The following ATF7IP2 variants were observed in gnomAD, a reference collection of about 807,000 sequenced individuals.
ATF7IP2 encodes activating transcription factor 7 interacting protein 2, also known as activating transcription factor 7-interacting protein 2.
A neutral mutation model predicts 64.2 loss-of-function variants in ATF7IP2; 42 were observed. The observed-to-expected ratio is 0.65, with a 90% CI of 0.51 to 0.85. The LOEUF is 0.85. ATF7IP2 is among the 40% of genes least tolerant of loss of function. The pLI, the probability that ATF7IP2 is intolerant of heterozygous loss-of-function variation, is 0.00. For missense variants in ATF7IP2, 933 were observed against 784.2 expected (o/e 1.19, Z -2.27); for synonymous variants, 308 against 272.8 (o/e 1.13, Z -1.27).
intron 9 of ATF7IP2, among the ~76,000 whole-genome samples, chr16:10,458,399 T>C (rs771219090): frequency 6.6e-6 from 1 of 152,194 alleles, no homozygotes; most frequent in Non-Finnish European, 1.5e-5. Flanking sequence ...GTGATGGAAG[T>C]GAAAAAGACA....
chr16:10,398,617 G>C (rs2047466820), intron 1 of ATF7IP2, among the ~76,000 whole-genome samples: 1 of 152,100 alleles, frequency 6.6e-6, no homozygotes, highest in Non-Finnish European at 1.5e-5. Flanking sequence ...ATACCATTTT[G>C]CCTGTCATTT....
At chr16:10,409,392 C>T (rs1020466158) in intron 1 of ATF7IP2, among the ~76,000 whole-genome samples, 7 of 151,932 alleles carry the variant, frequency 4.6e-5, no homozygotes, top group Non-Finnish European at 7.4e-5. Flanking sequence ...ACAAGCTAAA[C>T]CTTTGAAGAG....
chr16:10,474,434 G>A (rs1393888443), intron 12 of ATF7IP2, among the ~76,000 whole-genome samples: 2 of 151,862 alleles, frequency 1.3e-5, no homozygotes, highest in Admixed American at 6.6e-5. Flanking sequence ...GGCTTGTTGG[G>A]GACTTTTACA....
intron 8 of ATF7IP2, among the ~76,000 whole-genome samples, chr16:10,456,312 T>G (rs1386009610): frequency 6.6e-6 from 1 of 152,234 alleles, no homozygotes; most frequent in African/African-American, 2.4e-5. Flanking sequence ...AGAGGCTCAC[T>G]ATCAGAAGAG....
rs147592728 is a variant in ATF7IP2 at position 10,465,565 on chromosome 16, C to T, written c.1353-6545C>T. Among the ~76,000 whole-genome samples, 1,220 of 151,312 alleles carry T rather than the reference C, an allele frequency of 8.1e-3. 12 individuals are homozygous for T. The highest frequency in any genetic ancestry group is 0.028 in the African/African-American group (1,137 of 41,150). On this transcript the variant is annotated intron_variant, in intron 9 of 13. Transcript: ENST00000562102. ...CCAGCCTGGGCAACACGGTGAAACC[C>T]CATCTCTACTAAAAACACAGAAAAT...
intron 3 of ATF7IP2, among the ~76,000 whole-genome samples, chr16:10,421,834 T>G (rs549847329): frequency 4.6e-5 from 7 of 152,362 alleles, no homozygotes; most frequent in African/African-American, 1.4e-4. Flanking sequence ...TGGCAACACT[T>G]TCCAGTGAAA....
At chr16:10,419,312 T>C (rs568809365) in intron 2 of ATF7IP2, among the ~76,000 whole-genome samples, 1 of 152,268 alleles carries the variant, frequency 6.6e-6, no homozygotes, top group East Asian at 1.9e-4. Context: ...TAAAGAAATA[T>C]TCCTAACAGT....
chr16:10,433,852 T>C (rs1411718203), intron 6 of ATF7IP2, among the ~76,000 whole-genome samples: 2 of 152,214 alleles, frequency 1.3e-5, no homozygotes, highest in African/African-American at 4.8e-5. Context: ...GAAAATGGTC[T>C]CATGCAGAAT....
In ATF7IP2 at chr16:10,430,608, C is replaced by G. The variant is rs1394823572; in HGVS notation, c.-10-3C>G. ...CATTTAAATATGATGTCTTAAATTC[C>G]AGGATATGAAAGATGGCAAGTCCAG... On this transcript the variant is annotated splice_polypyrimidine_tract_variant and splice_region_variant and intron_variant, in intron 4 of 13. Transcript: ENST00000562102. 3 of 1,566,318 alleles carry G rather than the reference C, an allele frequency of 1.9e-6. No individual in the cohort carries two copies.
chr16:10,430,895 C>T lies in ATF7IP2; in HGVS notation c.275C>T (p.Ser92Phe), dbSNP rs369210238. The T allele has an allele frequency of 2.6e-5, 42 of 1,613,878 alleles. No homozygotes were observed. The East Asian group carries it at 4.2e-4, about 16-fold the overall frequency. The part of the protein sequence containing the change: ...NSISEKSKVF[S>F]QNCIKPVEEI... The stretch of plus-strand genomic sequence containing the variant: ...ATATCAGAGAAAAGTAAAGTATTCT[C>T]TCAGAATTGCATAAAACCAGTAGAA... The change falls in exon 5 of 14, where the codon TCT (serine) becomes TTT (phenylalanine). Residue 92 changes from serine (S) to phenylalanine (F), a missense_variant. By Grantham distance (155) the Ser-to-Phe change is radical. Transcript: ENST00000562102.
intron 8 of ATF7IP2, among the ~76,000 whole-genome samples, chr16:10,441,343 G>C (rs572515765): frequency 7.3e-4 from 111 of 152,266 alleles, no homozygotes; most frequent in African/African-American, 2.6e-3. Context: ...CTTCCACAAT[G>C]GTTGAACTAA....
Position 10,400,830 on chromosome 16 carries a change from C to T in ATF7IP2, c.-241-13744C>T, listed in dbSNP as rs535054942. On this transcript the variant is annotated intron_variant, in intron 1 of 13. Coordinates refer to ENST00000562102, the MANE Select transcript of ATF7IP2 (RefSeq NM_001393719.1). ...CTGAGTAGCTGAGATTACAGGTGCC[C>T]GCCACCATGCCCAACTAAATTTTGT... is the stretch of plus-strand genomic sequence containing the variant. Among the ~76,000 whole-genome samples the T allele has an allele frequency of 7.9e-5, 12 of 151,862 alleles. No individual in the cohort carries two copies. The South Asian group carries it at 2.5e-3, about 32-fold the overall frequency.
intron 1 of ATF7IP2, among the ~76,000 whole-genome samples, chr16:10,409,827 A>G (rs899225577): frequency 2.0e-5 from 3 of 152,212 alleles, no homozygotes; most frequent in Middle Eastern, 3.2e-3. Context: ...CCATGTGTTG[A>G]ATAGAGTGCC....
At chr16:10,391,779 C>A (rs1450143889) in intron 1 of ATF7IP2, among the ~76,000 whole-genome samples, 5 of 151,908 alleles carry the variant, frequency 3.3e-5, no homozygotes, top group Non-Finnish European at 1.5e-5. Flanking sequence ...CGCCTGTAGT[C>A]CCAGCTGCTG....
rs2049883748 is a variant in ATF7IP2, at chr16:10,473,502, A to G, written c.1450A>G (p.Asn484Asp). The change falls in exon 11 of 14, where the codon AAT (asparagine) becomes GAT (aspartate). Residue 484 changes from asparagine (N) to aspartate (D), a missense_variant. Asn to Asp is a conservative substitution (Grantham distance 23, BLOSUM62 1). Transcript: ENST00000562102. Reference protein sequence around the residue: ...PTDTRKITSGNSSNSPNAEVM... With the variant: ...PTDTRKITSGDSSNSPNAEVM... ...AGATACCAGAAAAATTACATCAGGA[A>G]ATTCTAGCAATTCTCCCAATGCTGA... 6.4e-7 allele frequency: 1 copy of G among 1,570,294 alleles called. No individual in the cohort carries two copies. Among genetic ancestry groups the G allele is most frequent in the East Asian group, 2.3e-5 (1 of 44,168 alleles).
Position 10,473,535 on chromosome 16 carries a change from G to A in ATF7IP2, c.1482+1G>A. ...CAATTCTCCCAATGCTGAAGTTATGGTGAGTAATAAATATTGACTCTGAAT... is the reference window on the plus strand; with the variant it reads ...CAATTCTCCCAATGCTGAAGTTATGATGAGTAATAAATATTGACTCTGAAT... On this transcript the variant is annotated splice_donor_variant, in intron 11 of 13. Transcript: ENST00000562102. LOFTEE classifies it high-confidence loss of function. 3 of 1,548,472 alleles carry A rather than the reference G, an allele frequency of 1.9e-6. No individual in the cohort carries two copies. Among genetic ancestry groups the A allele is most frequent in the Non-Finnish European group, 2.7e-6 (3 of 1,128,086 alleles).
chr16:10,411,436 C>T (rs1170318959), intron 1 of ATF7IP2, among the ~76,000 whole-genome samples: 2 of 150,498 alleles, frequency 1.3e-5, no homozygotes, highest in Middle Eastern at 3.4e-3. Context: ...GGCTGTGTCA[C>T]CCAGGCTGAA....
chr16:10,405,122 G>A (rs1567429852), intron 1 of ATF7IP2, among the ~76,000 whole-genome samples: 1 of 152,000 alleles, frequency 6.6e-6, no homozygotes, highest in Non-Finnish European at 1.5e-5. Flanking sequence ...CGGCACTTTG[G>A]GAGGCTGAGA....
chr16:10,430,756 G>T lies in ATF7IP2; in HGVS notation c.136G>T (p.Val46Phe). Reference protein sequence around the residue: ...EALKTAIGSNVPSGNQSFSPS... With the variant: ...EALKTAIGSNFPSGNQSFSPS... Reference sequence around the variant, plus strand: ...GCTGAAAACAGCAATTGGGAGTAATGTTCCAAGCGGTAATCAGAGTTTCAG... The same window carrying T: ...GCTGAAAACAGCAATTGGGAGTAATTTTCCAAGCGGTAATCAGAGTTTCAG... Residue 46 changes from valine (V) to phenylalanine (F), a missense_variant, in exon 5 of 14, where the codon GTT (valine) becomes TTT (phenylalanine). Coordinates refer to ENST00000562102, the MANE Select transcript of ATF7IP2 (RefSeq NM_001393719.1). The T allele has an allele frequency of 5.0e-6, 8 of 1,613,536 alleles. No individual in the cohort carries two copies. The highest frequency in any genetic ancestry group is 6.8e-6 in the Non-Finnish European group (8 of 1,179,894).
Sources: allele counts gnomAD v4.1 joint callset (sites outside exome capture counted in the v4.1 genomes callset), GRCh38; gene constraint gnomAD v4.1.1; transcripts MANE v1.5; gene names NCBI Gene and HGNC (gene_info 2026-07-23, HGNC 2026-07-21).